The following RAD54L2 variants were observed in gnomAD, a reference collection of about 807,000 sequenced individuals.
RAD54L2 encodes RAD54 like 2.
A neutral mutation model predicts 138.4 loss-of-function variants in RAD54L2; 27 were observed. The ratio of observed to expected loss-of-function variants is 0.20; its 90% CI spans 0.14 to 0.27. RAD54L2 has a LOEUF of 0.27. RAD54L2 is among the 10% of genes least tolerant of loss of function. The probability of loss-of-function intolerance (pLI) is 1.00; values close to 1 mark genes in which losing one functional copy is unlikely to be tolerated. For synonymous variants in RAD54L2, 644 were observed against 723.2 expected (o/e 0.89, Z 1.76); for missense variants, 1,396 against 1,890.2 (o/e 0.74, Z 4.85).
chr3:51,658,956 A>G (rs1701680338), intron 21 of RAD54L2, among the ~76,000 whole-genome samples: 1 of 152,184 alleles, frequency 6.6e-6, no homozygotes, highest in African/African-American at 2.4e-5. Context: ...GTGAAATTAT[A>G]TGAATTTCAC....
At chr3:51,595,484 G>A (rs1272797823) in intron 3 of RAD54L2, among the ~76,000 whole-genome samples, 1 of 152,178 alleles carries the variant, frequency 6.6e-6, no homozygotes, top group African/African-American at 2.4e-5. Context: ...GATAGGGAGT[G>A]GATGGGGGAG....
intron 9 of RAD54L2, among the ~76,000 whole-genome samples, chr3:51,635,138 C>A (rs930692984): frequency 1.3e-5 from 2 of 152,136 alleles, no homozygotes; most frequent in Non-Finnish European, 2.9e-5. Context: ...GTCATCTGGT[C>A]TCTTCTCCTC....
chr3:51,574,133 A>G lies in RAD54L2; in HGVS notation c.-54-16234A>G, dbSNP rs374658711. Among the ~76,000 whole-genome samples the G allele has an allele frequency of 1.3e-4, 19 of 151,988 alleles. No homozygotes were observed. In the East Asian group the frequency reaches 3.1e-3, roughly 25 times the overall value. On this transcript the variant is annotated intron_variant, in intron 2 of 22. Coordinates refer to ENST00000684192, the MANE Select transcript of RAD54L2 (RefSeq NM_015106.4). ...TACTTGTGATAGTTTGCTCAGAATG[A>G]TGGTTTCCAGCTTCATCCATGTCCC...
intron 20 of RAD54L2, among the ~76,000 whole-genome samples, chr3:51,656,957 G>A (rs776031582): frequency 6.6e-6 from 1 of 152,038 alleles, no homozygotes. Flanking sequence ...GGCTGGTTTC[G>A]AACTCCTGAG....
intron 16 of RAD54L2, 130 bp downstream of exon 16, chr3:51,644,104 A>T (rs1701209751): frequency 1.4e-6 from 1 of 701,414 alleles, no homozygotes; most frequent in East Asian, 2.9e-5. Flanking sequence ...CTGGGGTCAG[A>T]GAGGGAACTT....
chr3:51,623,278 T>A (rs538649346), intron 3 of RAD54L2, among the ~76,000 whole-genome samples: 1 of 152,346 alleles, frequency 6.6e-6, no homozygotes, highest in African/African-American at 2.4e-5. Flanking sequence ...CTTCCCCCTT[T>A]GCTTTCTTAT....
intron 2 of RAD54L2, among the ~76,000 whole-genome samples, chr3:51,559,840 A>G (rs1392702689): frequency 1.3e-5 from 2 of 152,372 alleles, no homozygotes; most frequent in East Asian, 1.9e-4. Context: ...CAACGTACTG[A>G]TAAGTACTGG....
At chr3:51,551,852 A>G (rs1371967214) in intron 2 of RAD54L2, among the ~76,000 whole-genome samples, 1 of 151,582 alleles carries the variant, frequency 6.6e-6, no homozygotes, top group African/African-American at 2.4e-5. Flanking sequence ...TCCTGGGTTC[A>G]GACGATTCTC....
chr3:51,626,436 C>CATTTTTTTTTTTTTT (rs1700686522), intron 3 of RAD54L2, among the ~76,000 whole-genome samples: 1 of 39,392 alleles, frequency 2.5e-5, no homozygotes, highest in Non-Finnish European at 4.1e-5. Context: ...CCCCAACGAT[C>CATTTTTTTTTTTTTT]TTTTTTTTTT....
At chr3:51,588,550 A>AAAAAG in intron 2 of RAD54L2, among the ~76,000 whole-genome samples, 1 of 151,590 alleles carries the variant, frequency 6.6e-6, no homozygotes, top group South Asian at 2.1e-4. Context: ...AAAAAAAAAA[A>AAAAAG]AAAAGAAAAG....
chr3:51,656,088 C>A lies in RAD54L2; in HGVS notation c.3144C>A (p.Ser1048=), dbSNP rs148075881. The change falls in exon 20 of 23, where the codon TCC becomes TCA. Residue 1048 remains serine (S), a synonymous_variant. Transcript: ENST00000684192. ...VPLGGSVSSA[S]STNPSMNFPI... ...TGGGAGGAAGTGTAAGCTCTGCCTCCAGCACAAATCCATCCATGAACTTTC... is the reference window on the plus strand; with the variant it reads ...TGGGAGGAAGTGTAAGCTCTGCCTCAAGCACAAATCCATCCATGAACTTTC... The A allele has an allele frequency of 2.5e-6, 4 of 1,613,902 alleles. No homozygotes were observed. The African/African-American group carries it at 5.3e-5, about 22-fold the overall frequency.
In RAD54L2 at chr3:51,643,867, C is replaced by T; in HGVS notation, c.2351-8C>T. On this transcript the variant is annotated splice_polypyrimidine_tract_variant and splice_region_variant and intron_variant, in intron 15 of 22. Coordinates refer to ENST00000684192, the MANE Select transcript of RAD54L2 (RefSeq NM_015106.4). ...TATCCACTGCTTATGGTTTTCCTTC[C>T]TTCCTAGGGCTAGATGGTAGCACCC... 1 of 1,594,108 alleles carries T rather than the reference C, an allele frequency of 6.3e-7. No homozygotes were observed. Among genetic ancestry groups the T allele is most frequent in the Non-Finnish European group, 8.6e-7 (1 of 1,168,426 alleles).
At chr3:51,660,768 C>A (rs1385266763) in intron 22 of RAD54L2, among the ~76,000 whole-genome samples, 2 of 151,490 alleles carry the variant, frequency 1.3e-5, no homozygotes, top group Non-Finnish European at 2.9e-5. Context: ...ATTACAGAAG[C>A]ATGCCACCAC....
intron 2 of RAD54L2, among the ~76,000 whole-genome samples, chr3:51,582,956 G>A (rs901204069): frequency 4.0e-5 from 6 of 151,762 alleles, no homozygotes; most frequent in African/African-American, 7.3e-5. Context: ...TAGTAGAGAC[G>A]GGGTTTCACC....
chr3:51,601,190 C>G (rs143647699), intron 3 of RAD54L2, among the ~76,000 whole-genome samples: 100 of 151,454 alleles, frequency 6.6e-4, no homozygotes, highest in African/African-American at 2.0e-3. Flanking sequence ...TTTTTTTTAT[C>G]TTTAGTAGAA....
At chr3:51,656,401 A>G (rs1701601745) in intron 20 of RAD54L2, among the ~76,000 whole-genome samples, 1 of 152,230 alleles carries the variant, frequency 6.6e-6, no homozygotes, top group South Asian at 2.1e-4. Flanking sequence ...TGGGTGAGAT[A>G]GACTCTGAGC....
intron 19 of RAD54L2, among the ~76,000 whole-genome samples, chr3:51,651,770 A>G (rs1166834119): frequency 6.6e-6 from 1 of 152,234 alleles, no homozygotes; most frequent in Non-Finnish European, 1.5e-5. Flanking sequence ...TAAACTAGGT[A>G]TTGATGGAAC....
intron 2 of RAD54L2, among the ~76,000 whole-genome samples, chr3:51,585,517 A>G (rs1348266512): frequency 6.6e-6 from 1 of 152,088 alleles, no homozygotes; most frequent in Non-Finnish European, 1.5e-5. Flanking sequence ...CCACCTTGCC[A>G]TGCCTCATGT....
intron 2 of RAD54L2, among the ~76,000 whole-genome samples, chr3:51,583,678 C>G (rs1208970870): frequency 6.6e-6 from 1 of 150,746 alleles, no homozygotes; most frequent in Non-Finnish European, 1.5e-5. Context: ...CTGCCCGCCT[C>G]GGCCTCCCAA....
Sources: allele counts gnomAD v4.1 joint callset (sites outside exome capture counted in the v4.1 genomes callset), GRCh38; gene constraint gnomAD v4.1.1; transcripts MANE v1.5; gene names NCBI Gene and HGNC (gene_info 2026-07-23, HGNC 2026-07-21).